Variants in PPP1R21 observed in about 807,000 individuals in gnomAD.
PPP1R21 encodes KLRAQ motif containing 1.
A neutral mutation model predicts 112.8 loss-of-function variants in PPP1R21; 85 were observed. The observed-to-expected ratio is 0.75, with a 90% CI of 0.63 to 0.90. The LOEUF is 0.90. Ranked by LOEUF, PPP1R21 falls within the 40% of genes least tolerant of loss-of-function variation. The probability of loss-of-function intolerance (pLI) is 0.00; values close to 1 mark genes in which losing one functional copy is unlikely to be tolerated. For synonymous variants in PPP1R21, 381 were observed against 322.3 expected (o/e 1.18, Z -1.95); for missense variants, 1,199 against 901.5 (o/e 1.33, Z -4.23).
chr2:48,510,387 T>C (rs1033312422), intron 20 of PPP1R21, among the ~76,000 whole-genome samples: 7 of 152,254 alleles, frequency 4.6e-5, no homozygotes, highest in African/African-American at 1.7e-4. Flanking sequence ...TCCCCTTCCT[T>C]GTACATACCC....
At chr2:48,474,539 A>T in intron 11 of PPP1R21, 144 bp from the exon 12 acceptor site, 1 of 666,204 alleles carries the variant, frequency 1.5e-6, no homozygotes, top group Admixed American at 2.9e-5. Context: ...TGATGTAAAA[A>T]AATGGAGCCA....
At chr2:48,481,396 C>T (rs1199674118) in intron 13 of PPP1R21, among the ~76,000 whole-genome samples, 1 of 152,212 alleles carries the variant, frequency 6.6e-6, no homozygotes, top group Admixed American at 6.5e-5. Flanking sequence ...TATTCAACTC[C>T]AGTCCTGCAG....
chr2:48,460,118 G>C lies in PPP1R21; in HGVS notation c.564G>C (p.Lys188Asn). The change falls in exon 6 of 22, where the codon AAG (lysine) becomes AAC (asparagine). Residue 188 changes from lysine to asparagine, a missense_variant. Coordinates refer to ENST00000294952, the MANE Select transcript of PPP1R21 (RefSeq NM_001135629.3). ...KLEVKSQTLEKEAKECRLRTE... is the reference protein window; with the variant it reads ...KLEVKSQTLENEAKECRLRTE... Reference sequence around the variant, plus strand: ...AGGTGAAATCTCAGACTCTAGAAAAGGAAGCCAAGGAATGTCGACTTCGAA... The same window carrying C: ...AGGTGAAATCTCAGACTCTAGAAAACGAAGCCAAGGAATGTCGACTTCGAA... 3.1e-6 allele frequency: 5 copies of C among 1,614,108 alleles called. No homozygotes were observed. Among genetic ancestry groups the C allele is most frequent in the Non-Finnish European group, 4.2e-6 (5 of 1,180,018 alleles).
intron 2 of PPP1R21, among the ~76,000 whole-genome samples, chr2:48,454,375 AG>A (rs991660552): frequency 1.3e-5 from 2 of 152,212 alleles, no homozygotes; most frequent in African/African-American, 4.8e-5. Flanking sequence ...CTGTTACTTT[AG>A]TATAGTTGCT....
At chr2:48,459,149 A>G (rs1667864865) in intron 4 of PPP1R21, among the ~76,000 whole-genome samples, 1 of 150,130 alleles carries the variant, frequency 6.7e-6, no homozygotes, top group African/African-American at 2.4e-5. Context: ...TAACCTCCTT[A>G]CTTATTTTTT....
chr2:48,503,997 C>T (rs1670256226), intron 17 of PPP1R21, among the ~76,000 whole-genome samples: 1 of 151,048 alleles, frequency 6.6e-6, no homozygotes. Flanking sequence ...CAGTACCATT[C>T]CTTTGAAGGA....
In PPP1R21 at chr2:48,461,140, A is replaced by C. The variant is rs1377296319; in HGVS notation, c.602A>C (p.Gln201Pro). ...TTGTATTTTTTTTTTTTTTGCAGTC[A>C]ATTACAGTTAAAGACTCTTCATGAA... is the stretch of plus-strand genomic sequence containing the variant. ...KECRLRTEEC[Q>P]LQLKTLHEDL... Residue 201 changes from glutamine to proline, a missense_variant and splice_region_variant, in exon 7 of 22, where the codon CAA becomes CCA. Gln to Pro is a moderately conservative substitution (Grantham distance 76). Transcript: ENST00000294952. 6.4e-7 allele frequency: 1 copy of C among 1,570,884 alleles called. No homozygotes were observed. The highest frequency in any genetic ancestry group is 2.3e-5 in the East Asian group (1 of 43,370).
At chr2:48,441,405 TCTC>T in intron 1 of PPP1R21, 1 of 299,172 alleles carries the variant, frequency 3.3e-6, no homozygotes, top group Non-Finnish European at 6.7e-6. Flanking sequence ...GATCAACCCT[TCTC>T]CCCTCCCACA....
At chr2:48,475,739 C>T (rs375132916) in intron 12 of PPP1R21, among the ~76,000 whole-genome samples, 2 of 151,832 alleles carry the variant, frequency 1.3e-5, no homozygotes, top group South Asian at 2.1e-4. Flanking sequence ...CCCAGCTACT[C>T]GGGAGGCTGA....
At position 48,498,516 on chromosome 2, in the gene PPP1R21, T is replaced by C. The variant is rs1669952295; in HGVS notation, c.1716T>C (p.Ile572=). ...AQQVQQSLEK[I]SKLEQEKEHW... is the part of the protein sequence containing the mutation. ...AGGTTCAACAGAGTTTGGAAAAGAT[T>C]TCTAAACTGGAGCAGGAAAAAGAAC... The change falls in exon 17 of 22, where the codon ATT becomes ATC. Residue 572 remains isoleucine (I), a synonymous_variant. Transcript: ENST00000294952. 1.2e-6 allele frequency: 2 copies of C among 1,614,034 alleles called. No individual in the cohort carries two copies. The highest frequency in any genetic ancestry group is 1.7e-5 in the Admixed American group (1 of 60,004).
Position 48,514,777 on chromosome 2 carries a change from C to T in PPP1R21, c.*33C>T, listed in dbSNP as rs1670801210. The T allele has an allele frequency of 6.2e-7, 1 of 1,611,752 alleles. No homozygotes were observed. Among genetic ancestry groups the T allele is most frequent in the Non-Finnish European group, 8.5e-7 (1 of 1,178,530 alleles). On this transcript the variant is annotated 3_prime_UTR_variant, in exon 22 of 22. Transcript: ENST00000294952. Reference sequence around the variant, plus strand: ...ATAGCTGGTTGGCGACTGTTCTTTCCAGACCTGCTCCTGCTGCACAGAGCC... The same window carrying T: ...ATAGCTGGTTGGCGACTGTTCTTTCTAGACCTGCTCCTGCTGCACAGAGCC...
chr2:48,467,816 A>G (rs566116732), intron 9 of PPP1R21, among the ~76,000 whole-genome samples: 46 of 152,326 alleles, frequency 3.0e-4, no homozygotes, highest in African/African-American at 1.1e-3. Flanking sequence ...AGTGGAGACA[A>G]TTGAAGCCAT....
At chr2:48,451,497 C>T (rs2103759132) in intron 2 of PPP1R21, among the ~76,000 whole-genome samples, 1 of 152,216 alleles carries the variant, frequency 6.6e-6, no homozygotes, top group Middle Eastern at 3.4e-3. Context: ...TCATTTAGTC[C>T]CTAAATCTTG....
chr2:48,481,151 G>A (rs1668993233), intron 13 of PPP1R21, among the ~76,000 whole-genome samples: 1 of 152,126 alleles, frequency 6.6e-6, no homozygotes, highest in Admixed American at 6.5e-5. Flanking sequence ...ACCATGCCTG[G>A]CTAATTTTTG....
At chr2:48,482,062 C>A (rs940224387) in intron 13 of PPP1R21, among the ~76,000 whole-genome samples, 61 of 152,298 alleles carry the variant, frequency 4.0e-4, no homozygotes, top group African/African-American at 1.3e-3. Context: ...CTGAAGAAAT[C>A]TGAAGTCCAA....
In PPP1R21 at chr2:48,474,562, C is replaced by A. The variant is rs1668665500; in HGVS notation, c.1089-121C>A. Reference sequence around the variant, plus strand: ...AAAAATGGAGCCATGCAAATGAGATCAAATTCTTTTTTCTGCAATATCTCT... The same window carrying A: ...AAAAATGGAGCCATGCAAATGAGATAAAATTCTTTTTTCTGCAATATCTCT... On this transcript the variant is annotated intron_variant, in intron 11 of 21. Coordinates refer to ENST00000294952, the MANE Select transcript of PPP1R21 (RefSeq NM_001135629.3). 7 of 861,336 alleles carry A rather than the reference C, an allele frequency of 8.1e-6. No individual in the cohort carries two copies. The South Asian group carries it at 8.8e-5, about 11-fold the overall frequency. The allele number at this position is 861,336 out of a possible 1,614,324, so 53.4% of individuals were successfully genotyped here. A position where few individuals can be genotyped will look rare whatever the true frequency, so the allele number is the denominator to read the frequency against.
intron 17 of PPP1R21, among the ~76,000 whole-genome samples, chr2:48,503,399 G>C (rs1364915332): frequency 6.6e-6 from 1 of 152,004 alleles, no homozygotes; most frequent in Non-Finnish European, 1.5e-5. Context: ...TTATACCTTA[G>C]TTTACCTATG....
intron 9 of PPP1R21, among the ~76,000 whole-genome samples, chr2:48,470,235 A>G (rs1024702173): frequency 6.6e-6 from 1 of 152,170 alleles, no homozygotes; most frequent in African/African-American, 2.4e-5. Flanking sequence ...AAAAGTTATT[A>G]AGCTGGGCAT....
rs752511890 is a variant in PPP1R21, at chr2:48,440,939, G to C, written c.-15G>C. ...GCCGCCTGGGCGGCCTGGCCTGTAC[G>C]GGGCGGGGGAGGCCATGGCCTCGGC... On this transcript the variant is annotated 5_prime_UTR_variant, in exon 1 of 22. Transcript: ENST00000294952. The C allele has an allele frequency of 8.1e-6, 13 of 1,602,470 alleles. No homozygotes were observed. Among genetic ancestry groups the C allele is most frequent in the Non-Finnish European group, 1.0e-5 (12 of 1,172,360 alleles).
Sources: gnomAD v4.1 joint callset for allele counts (sites outside exome capture counted in the v4.1 genomes callset) on GRCh38, gnomAD v4.1.1 for gene constraint, MANE v1.5 for transcripts, NCBI Gene and HGNC (gene_info 2026-07-23, HGNC 2026-07-21) for gene names.